SH3RF2: variants seen among roughly 807,000 people sequenced by gnomAD.
SH3RF2 encodes the protein E3 ubiquitin-protein ligase SH3RF2.
Under a neutral mutation model 59.0 loss-of-function variants are expected in SH3RF2, and 43 were observed. The observed-to-expected ratio is 0.73, with a 90% CI of 0.57 to 0.94. The LOEUF (loss-of-function observed/expected upper bound fraction) is 0.94, where lower values mean the gene tolerates loss of function less well. Among genes scored for constraint, SH3RF2 ranks in the 40% least tolerant of loss-of-function variants. The pLI is 0.00. For synonymous variants in SH3RF2, 391 were observed against 391.5 expected (o/e 1.00, Z 0.01); for missense variants, 930 against 940.1 (o/e 0.99, Z 0.14).
At chr5:145,973,882 A>G (rs552462765) in intron 2 of SH3RF2, among the ~76,000 whole-genome samples, 2 of 152,326 alleles carry the variant, frequency 1.3e-5, no homozygotes, top group African/African-American at 4.8e-5. Context: ...GAGAATTGGA[A>G]AAGAAGGGAC....
At chr5:145,945,982 A>G (rs1447023977) in intron 2 of SH3RF2, among the ~76,000 whole-genome samples, 1 of 152,258 alleles carries the variant, frequency 6.6e-6, no homozygotes, top group Admixed American at 6.5e-5. Flanking sequence ...TGAAATGGTC[A>G]GGTTACCTGA....
rs201302695 is a variant in SH3RF2 at position 146,014,893 on chromosome 5, TG to T, written c.1059+834del. Among the ~76,000 whole-genome samples, 24 of 152,268 alleles carry T rather than the reference TG, an allele frequency of 1.6e-4. No homozygotes were observed. In the East Asian group the frequency reaches 4.4e-3, roughly 28 times the overall value. ...AAGCTGAAGTATTTCTAGCAGCATG[TG>T]GCTATTTAGGTTGAAGGGTACTTTA... On this transcript the variant is annotated intron_variant, in intron 5 of 9. Transcript: ENST00000359120.
intron 2 of SH3RF2, among the ~76,000 whole-genome samples, chr5:145,988,283 C>A (rs1759794290): frequency 6.6e-6 from 1 of 151,584 alleles, no homozygotes; most frequent in Non-Finnish European, 1.5e-5. Context: ...CCCAGAGCCC[C>A]CACCATAAGT....
intron 5 of SH3RF2, among the ~76,000 whole-genome samples, chr5:146,018,036 A>C (rs989405154): frequency 6.6e-6 from 1 of 152,196 alleles, no homozygotes; most frequent in Admixed American, 6.5e-5. Flanking sequence ...TGCTCATTTT[A>C]CCAAACGGGA....
intron 2 of SH3RF2, among the ~76,000 whole-genome samples, chr5:145,943,692 TTTTTTGTTTTTG>T (rs77389676): frequency 6.6e-5 from 10 of 150,842 alleles, no homozygotes; most frequent in Non-Finnish European, 1.0e-4. Flanking sequence ...CCTACTTCAG[TTTTTTGTTTTTG>T]TTTTTGTTTT....
At chr5:146,028,132 G>T (rs183043741) in intron 5 of SH3RF2, among the ~76,000 whole-genome samples, 1 of 147,770 alleles carries the variant, frequency 6.8e-6, no homozygotes, top group Admixed American at 6.8e-5. Flanking sequence ...GGGAGCAGGG[G>T]ACATTGATAT....
At chr5:145,947,506 C>T (rs1580754584) in intron 2 of SH3RF2, among the ~76,000 whole-genome samples, 1 of 152,118 alleles carries the variant, frequency 6.6e-6, no homozygotes, top group East Asian at 1.9e-4. Context: ...AATAAGCTCC[C>T]AGTATGATTA....
chr5:146,010,132 G>A (rs1384797954), intron 4 of SH3RF2, among the ~76,000 whole-genome samples: 4 of 151,854 alleles, frequency 2.6e-5, no homozygotes, highest in Admixed American at 6.6e-5. Context: ...TGCGGTGTTT[G>A]GTTTTTGGTC....
At chr5:145,987,339 G>A (rs973384317) in intron 2 of SH3RF2, among the ~76,000 whole-genome samples, 1 of 151,948 alleles carries the variant, frequency 6.6e-6, no homozygotes, top group Non-Finnish European at 1.5e-5. Flanking sequence ...TTTATCCCTC[G>A]CACCCTTCCC....
intron 5 of SH3RF2, among the ~76,000 whole-genome samples, chr5:146,024,553 A>G (rs1761458351): frequency 6.6e-6 from 1 of 152,200 alleles, no homozygotes; most frequent in African/African-American, 2.4e-5. Context: ...TTTGAAGCAC[A>G]AAAGCTTTTC....
chr5:145,986,155 T>G (rs763141515), intron 2 of SH3RF2, among the ~76,000 whole-genome samples: 35 of 152,090 alleles, frequency 2.3e-4, no homozygotes, highest in Admixed American at 1.6e-3. Context: ...ACACAGTGTA[T>G]AAGTTGTAAA....
At chr5:145,968,345 G>A (rs73312132) in intron 2 of SH3RF2, among the ~76,000 whole-genome samples, 11,898 of 152,018 alleles carry the variant, frequency 0.078, 1,575 homozygotes, top group African/African-American at 0.27. Flanking sequence ...ATATCTCTAC[G>A]GCAGAATATT....
At chr5:146,076,753 T>C (rs1251145930) in intron 9 of SH3RF2, among the ~76,000 whole-genome samples, 1 of 152,140 alleles carries the variant, frequency 6.6e-6, no homozygotes, top group African/African-American at 2.4e-5. Context: ...GTTGTCTGCT[T>C]GAAAATTGGG....
At chr5:145,968,965 T>C (rs1758963982) in intron 2 of SH3RF2, among the ~76,000 whole-genome samples, 1 of 152,218 alleles carries the variant, frequency 6.6e-6, no homozygotes. Context: ...AGAGAACATA[T>C]AATTCTTTTT....
chr5:146,070,776 G>C (rs956529514), intron 9 of SH3RF2, among the ~76,000 whole-genome samples: 1 of 152,178 alleles, frequency 6.6e-6, no homozygotes, highest in African/African-American at 2.4e-5. Flanking sequence ...ATTTCTTTTG[G>C]GGGGTAGATA....
chr5:145,995,919 A>G (rs1760128996), intron 2 of SH3RF2, among the ~76,000 whole-genome samples: 1 of 152,202 alleles, frequency 6.6e-6, no homozygotes, highest in Non-Finnish European at 1.5e-5. Context: ...AAAGTTTTTC[A>G]TTGTATGGGT....
chr5:146,064,586 G>GGAGAGA (rs70998047), downstream of SH3RF2, among the ~76,000 whole-genome samples: 7 of 41,408 alleles, frequency 1.7e-4, no homozygotes, highest in African/African-American at 8.1e-4. Context: ...GAAGGAAGGG[G>GGAGAGA]GAGAGAGAGA....
intron 5 of SH3RF2, among the ~76,000 whole-genome samples, chr5:146,032,957 C>T (rs1761792886): frequency 6.6e-6 from 1 of 152,186 alleles, no homozygotes; most frequent in African/African-American, 2.4e-5. Flanking sequence ...CCAAAATATA[C>T]ACACGGACTT....
chr5:145,973,806 T>C (rs1041950267), intron 2 of SH3RF2, among the ~76,000 whole-genome samples: 4 of 152,224 alleles, frequency 2.6e-5, no homozygotes, highest in African/African-American at 9.6e-5. Flanking sequence ...ATTATGGAAT[T>C]AGTGAATTAG....
Sources: gnomAD v4.1 joint callset for allele counts (sites outside exome capture counted in the v4.1 genomes callset) on GRCh38, gnomAD v4.1.1 for gene constraint, MANE v1.5 for transcripts, NCBI Gene and HGNC (gene_info 2026-07-23, HGNC 2026-07-21) for gene names.